Variants in AIF1L observed in about 807,000 individuals in gnomAD.
AIF1L encodes the protein allograft inflammatory factor 1-like.
Under a neutral mutation model 20.7 loss-of-function variants are expected in AIF1L, and 12 were observed. The ratio of observed to expected loss-of-function variants is 0.58; its 90% confidence interval spans 0.37 to 0.94. The LOEUF is 0.94. Among genes scored for constraint, AIF1L ranks in the 40% least tolerant of loss-of-function variants. The probability of loss-of-function intolerance (pLI) is 0.01; values close to 1 mark genes in which losing one functional copy is unlikely to be tolerated. For missense variants in AIF1L, 173 were observed against 185.3 expected (o/e 0.93, Z 0.39); for synonymous variants, 76 against 65.1 (o/e 1.17, Z -0.81).
intron 2 of AIF1L, chr9:131,108,239 G>A (rs985834011): frequency 2.8e-5 from 4 of 142,728 alleles, no homozygotes; most frequent in African/African-American, 1.0e-4. Flanking sequence ...GGAGTCTGTG[G>A]CCCGGGCTGG....
At chr9:131,096,930 TC>T in intron 2 of AIF1L, 67 bp downstream of exon 2, 6 of 1,454,904 alleles carry the variant, frequency 4.1e-6, no homozygotes, top group Non-Finnish European at 4.5e-6. Flanking sequence ...CACCTCTCCT[TC>T]CGCGAGGCCG....
intron 2 of AIF1L, chr9:131,106,199 G>A (rs1251955273): frequency 6.5e-7 from 1 of 1,535,660 alleles, no homozygotes; most frequent in African/African-American, 1.4e-5. Flanking sequence ...ACTGTGCAGG[G>A]AGGGAGCCGC....
chr9:131,113,372 C>T (rs1830937585), intron 3 of AIF1L, among the ~76,000 whole-genome samples: 1 of 151,742 alleles, frequency 6.6e-6, no homozygotes, highest in African/African-American at 2.4e-5. Context: ...GTGGTGGGTG[C>T]CTGTAATGCC....
intron 2 of AIF1L, among the ~76,000 whole-genome samples, chr9:131,106,830 T>G (rs1830762247): frequency 6.6e-6 from 1 of 151,906 alleles, no homozygotes; most frequent in African/African-American, 2.4e-5. Context: ...GTGTGGTGGC[T>G]CACGCCTGTG....
At chr9:131,104,011 G>A (rs1038262363) in intron 2 of AIF1L, among the ~76,000 whole-genome samples, 2 of 152,206 alleles carry the variant, frequency 1.3e-5, no homozygotes, top group African/African-American at 4.8e-5. Flanking sequence ...CTGTGGCTGG[G>A]TGGATAATTT....
intron 2 of AIF1L, among the ~76,000 whole-genome samples, chr9:131,099,431 C>T (rs146143403): frequency 2.0e-5 from 3 of 152,354 alleles, no homozygotes; most frequent in Non-Finnish European, 4.4e-5. Context: ...AGGGCCTGAG[C>T]TAGGTGGATT....
intron 2 of AIF1L, among the ~76,000 whole-genome samples, chr9:131,107,689 T>A (rs760575142): frequency 6.6e-5 from 10 of 152,232 alleles, no homozygotes; most frequent in Non-Finnish European, 1.0e-4. Flanking sequence ...AAAAAGTCTT[T>A]ACTTGGCAAA....
chr9:131,117,121 G>T (rs1831032450), intron 4 of AIF1L, among the ~76,000 whole-genome samples: 1 of 152,170 alleles, frequency 6.6e-6, no homozygotes, highest in African/African-American at 2.4e-5. Context: ...GGCCTCCCTT[G>T]TTTTTCTTGA....
chr9:131,120,567 G>T lies in AIF1L; in HGVS notation c.*245G>T, dbSNP rs1425599081. The stretch of plus-strand genomic sequence containing the variant: ...CCTTCCCCGCTCCCTGTGCAGAAGG[G>T]CTGACATCAAACCAAAAACTAGAGG... On this transcript the variant is annotated 3_prime_UTR_variant, in exon 6 of 6. Transcript: ENST00000247291. 4.4e-6 allele frequency: 2 copies of T among 455,544 alleles called. No homozygotes were observed. The highest frequency in any genetic ancestry group is 3.9e-6 in the Non-Finnish European group (1 of 258,690). The allele number at this position is 455,544 out of a possible 1,614,324, so 28.2% of individuals were successfully genotyped here.
chr9:131,118,426 A>C (rs1348939756), intron 5 of AIF1L, among the ~76,000 whole-genome samples: 1 of 151,286 alleles, frequency 6.6e-6, no homozygotes, highest in Non-Finnish European at 1.5e-5. Context: ...CCTGTAGGGG[A>C]AATTAGCTTG....
intron 2 of AIF1L, among the ~76,000 whole-genome samples, chr9:131,110,453 G>A (rs353533): frequency 0.73 from 111,019 of 151,676 alleles, 41,848 homozygotes; most frequent in Middle Eastern, 0.84. Context: ...TCATTTTCCC[G>A]TTAGAGCAGA....
At chr9:131,108,303 G>T (rs1830798381) in intron 2 of AIF1L, 2 of 148,478 alleles carry the variant, frequency 1.3e-5, no homozygotes, top group African/African-American at 5.0e-5. Flanking sequence ...AGGTGCAAGT[G>T]ATTCTCCTGC....
chr9:131,123,008 A>C lies in AIF1L; in HGVS notation c.*2686A>C, dbSNP rs1389831951. On this transcript the variant is annotated 3_prime_UTR_variant, in exon 6 of 6. Transcript: ENST00000247291. The stretch of plus-strand genomic sequence containing the variant: ...ACCAGTAACGTGAGGACTGCCAAGT[A>C]TGGCTTTGTCCCTATGACTCAGAGG... 1 of 152,382 alleles carries C rather than the reference A, an allele frequency of 6.6e-6. No individual in the cohort carries two copies. The highest frequency in any genetic ancestry group is 6.5e-5 in the Admixed American group (1 of 15,290). The allele number at this position is 152,382 out of a possible 1,614,324, so 9.4% of individuals were successfully genotyped here.
chr9:131,098,067 G>A (rs1445508965), intron 2 of AIF1L: 1 of 152,828 alleles, frequency 6.5e-6, no homozygotes, highest in Non-Finnish European at 1.5e-5. Flanking sequence ...GAAGGCTGTG[G>A]GAGGCGGGTC....
intron 5 of AIF1L, among the ~76,000 whole-genome samples, chr9:131,119,179 G>A (rs56398888): frequency 0.82 from 125,092 of 152,118 alleles, 53,598 homozygotes; most frequent in Non-Finnish European, 0.94. Context: ...TTGCCCCAGG[G>A]CAGTCTCATT....
intron 2 of AIF1L, among the ~76,000 whole-genome samples, chr9:131,108,451 C>T (rs746775400): frequency 1.3e-5 from 2 of 152,142 alleles, no homozygotes; most frequent in African/African-American, 2.4e-5. Context: ...TTGCTCACCT[C>T]GGCCTCCCAA....
intron 2 of AIF1L, among the ~76,000 whole-genome samples, chr9:131,104,607 A>G (rs1290691053): frequency 1.3e-5 from 2 of 152,216 alleles, no homozygotes; most frequent in Non-Finnish European, 2.9e-5. Flanking sequence ...GAGAGAAATC[A>G]TAACTGGCCT....
chr9:131,111,452 C>A, intron 2 of AIF1L, 145 bp from the exon 3 acceptor site: 1 of 734,164 alleles, frequency 1.4e-6, no homozygotes, highest in Admixed American at 2.2e-5. Context: ...CAAGGGGCGA[C>A]AGGAAGCCGG....
intron 4 of AIF1L, among the ~76,000 whole-genome samples, chr9:131,117,538 A>G (rs1028402327): frequency 2.0e-5 from 3 of 152,236 alleles, no homozygotes; most frequent in African/African-American, 7.2e-5. Context: ...GCTCGATTCC[A>G]ATGCAAGCCC....
Sources: allele counts gnomAD v4.1 joint callset (sites outside exome capture counted in the v4.1 genomes callset), GRCh38; gene constraint gnomAD v4.1.1; transcripts MANE v1.5; gene names NCBI Gene and HGNC (gene_info 2026-07-23, HGNC 2026-07-21).